DNHD1: variants seen among roughly 807,000 people sequenced by gnomAD.
DNHD1 encodes dynein heavy chain domain-containing protein 1.
DNHD1 carries 383 observed loss-of-function variants against 458.1 expected under a neutral mutation model. The ratio of observed to expected loss-of-function variants is 0.84; its 90% CI spans 0.77 to 0.91. DNHD1 has a LOEUF of 0.91. DNHD1 is among the 40% of genes least tolerant of loss of function. The probability of loss-of-function intolerance (pLI) is 0.00; values close to 1 mark genes in which losing one functional copy is unlikely to be tolerated. For synonymous variants in DNHD1, 2,203 were observed against 2,376.9 expected, an observed-to-expected ratio of 0.93 and a Z score of 2.13; for missense variants, 5,336 against 5,866.1, an observed-to-expected ratio of 0.91 and a Z score of 2.95.
chr11:6,563,595 T>C, intron 30 of DNHD1, 31 bp downstream of exon 30: 6 of 1,549,476 alleles, frequency 3.9e-6, no homozygotes, highest in African/African-American at 1.4e-5. Flanking sequence ...TGAAGGAGGA[T>C]AGGGGAGGCA....
intron 12 of DNHD1, among the ~76,000 whole-genome samples, chr11:6,530,593 C>T (rs1172067898): frequency 6.6e-6 from 1 of 152,220 alleles, no homozygotes; most frequent in Admixed American, 6.5e-5. Flanking sequence ...CCCAGGCCTG[C>T]TTTCTTTATG....
At chr11:6,544,334 G>A (rs1473513050) in intron 19 of DNHD1, 88 bp downstream of exon 19, 14 of 1,464,862 alleles carry the variant, frequency 9.6e-6, no homozygotes, top group African/African-American at 1.4e-5. Context: ...AGGTTGGGTG[G>A]GAGAAGATAT....
At chr11:6,502,679 C>A in intron 3 of DNHD1, 74 bp from the exon 4 acceptor site, 1 of 1,402,380 alleles carries the variant, frequency 7.1e-7, no homozygotes, top group Non-Finnish European at 9.5e-7. Flanking sequence ...CACTAGCCAA[C>A]AGTGGCAAGG....
rs1306777167 is a variant in DNHD1 at position 6,539,289 on chromosome 11, G to A, written c.3396G>A (p.Leu1132=). Reference sequence around the variant, plus strand: ...GCCAGCTGCTTACTTATCCACTGCTGGAGTTTGCAGATCGAATCAACCAGG... The same window carrying A: ...GCCAGCTGCTTACTTATCCACTGCTAGAGTTTGCAGATCGAATCAACCAGG... ...TLGQLLTYPL[L]EFADRINQVW... Residue 1132 remains leucine, a synonymous_variant, in exon 17 of 43, where the codon CTG becomes CTA. Transcript: ENST00000254579. 6.4e-6 allele frequency: 10 copies of A among 1,551,500 alleles called. No homozygotes were observed. The highest frequency in any genetic ancestry group is 8.7e-6 in the Non-Finnish European group (10 of 1,146,952).
chr11:6,539,211 A>G lies in DNHD1; in HGVS notation c.3326-8A>G, dbSNP rs1436929011. On this transcript the variant is annotated splice_region_variant and splice_polypyrimidine_tract_variant and intron_variant, in intron 16 of 42. Coordinates refer to ENST00000254579, the MANE Select transcript of DNHD1 (RefSeq NM_144666.3). Reference sequence around the variant, plus strand: ...GGTGTTGCTCTGACTTGTTTTCTCTACCTCCAGCCCTTGGGCTGGGCAGTC... The same window carrying G: ...GGTGTTGCTCTGACTTGTTTTCTCTGCCTCCAGCCCTTGGGCTGGGCAGTC... 2 of 1,541,580 alleles carry G rather than the reference A, an allele frequency of 1.3e-6. No homozygotes were observed. Among genetic ancestry groups the G allele is most frequent in the Admixed American group, 2.0e-5 (1 of 50,914 alleles).
rs184035764 is a variant in DNHD1, at chr11:6,530,576, G to A, written c.2347+1455G>A. Reference sequence around the variant, plus strand: ...GTGAAGACTAGATCCTGTTGGACCCGTGGCTTCCCAGGCCTGCTTTCTTTA... The same window carrying A: ...GTGAAGACTAGATCCTGTTGGACCCATGGCTTCCCAGGCCTGCTTTCTTTA... On this transcript the variant is annotated intron_variant, in intron 12 of 42. Coordinates refer to ENST00000254579, the MANE Select transcript of DNHD1 (RefSeq NM_144666.3). Among the ~76,000 whole-genome samples, 137 of 152,330 alleles carry A rather than the reference G, an allele frequency of 9.0e-4. No individual in the cohort carries two copies. In the Middle Eastern group the frequency reaches 0.01, roughly 11 times the overall value.
At position 6,571,955 on chromosome 11, in the gene DNHD1, G is replaced by C. The variant is rs753328952; in HGVS notation, c.14231G>C (p.Arg4744Thr). ...KLTPNTCVQR[R>T]VHVCSPPLS ...ACCCCCAACACCTGTGTCCAAAGGAGGGTCCATGTGTGCAGCCCACCCCTG... is the reference window on the plus strand; with the variant it reads ...ACCCCCAACACCTGTGTCCAAAGGACGGTCCATGTGTGCAGCCCACCCCTG... Residue 4744 changes from arginine to threonine, a missense_variant, in exon 43 of 43, where the codon AGG becomes ACG. This residue lies in a region of DNHD1 where 698 missense variants were observed against 664.9 expected (regional missense o/e 1.05). Coordinates refer to ENST00000254579, the MANE Select transcript of DNHD1 (RefSeq NM_144666.3). The surrounding 1 kb of genome is among the most constrained non-coding windows in gnomAD (Gnocchi z 5.0). 4 of 1,611,890 alleles carry C rather than the reference G, an allele frequency of 2.5e-6. No homozygotes were observed. Among genetic ancestry groups the C allele is most frequent in the Non-Finnish European group, 3.4e-6 (4 of 1,178,348 alleles).
intron 28 of DNHD1, among the ~76,000 whole-genome samples, chr11:6,560,379 T>A (rs1316809161): frequency 2.6e-5 from 4 of 152,196 alleles, no homozygotes; most frequent in Non-Finnish European, 5.9e-5. Flanking sequence ...ATAAATGGTA[T>A]CCCCTGGAGT....
intron 12 of DNHD1, among the ~76,000 whole-genome samples, chr11:6,531,956 G>C (rs1236757162): frequency 6.6e-6 from 1 of 152,136 alleles, no homozygotes; most frequent in African/African-American, 2.4e-5. Flanking sequence ...GAGCCATGCT[G>C]CCTGAGTCTG....
chr11:6,557,432 G>T lies in DNHD1; in HGVS notation c.8137G>T (p.Glu2713Ter). 1 of 1,551,452 alleles carries T rather than the reference G, an allele frequency of 6.4e-7. No individual in the cohort carries two copies. ...GGTGCCCGAAGTAGAATCTGAAGGG[G>T]AGTTGGCCCAGTGGGAGGACTTCAG... ...ERVPEVESEG[E>*]LAQWEDFSNS... Residue 2713 changes from glutamate to a stop codon, truncating the protein, a stop_gained, in exon 25 of 43, where the codon GAG becomes TAG. Transcript: ENST00000254579. LOFTEE classifies it high-confidence loss of function.
At chr11:6,509,127 G>A in intron 5 of DNHD1, 35 bp from the exon 6 acceptor site, 1 of 1,614,042 alleles carries the variant, frequency 6.2e-7, no homozygotes, top group Non-Finnish European at 8.5e-7. Context: ...ATGGATGACA[G>A]CAACAGTATA....
intron 28 of DNHD1, among the ~76,000 whole-genome samples, chr11:6,561,558 C>G (rs1164719716): frequency 6.6e-6 from 1 of 152,176 alleles, no homozygotes; most frequent in African/African-American, 2.4e-5. Flanking sequence ...CAGGCAATGA[C>G]AAAACCGTGT....
chr11:6,550,216 A>G (rs1853311963), intron 24 of DNHD1, among the ~76,000 whole-genome samples: 1 of 152,244 alleles, frequency 6.6e-6, no homozygotes, highest in African/African-American at 2.4e-5. Context: ...AGAGACAGAG[A>G]TTTTAGAACT....
At position 6,558,990 on chromosome 11, in the gene DNHD1, T is replaced by C. The variant is rs1853527887; in HGVS notation, c.9300T>C (p.His3100=). ...TCCACCTTTCGGCCACCCACTACCA[T>C]GAGCACCTGTGCCCTGCATTGCCAC... ...ALIHLSATHY[H]EHLCPALPLV... is the part of the protein sequence containing the mutation. The change falls in exon 27 of 43, where the codon CAT becomes CAC. Residue 3100 remains histidine, a synonymous_variant. Transcript: ENST00000254579. The C allele has an allele frequency of 1.3e-6, 2 of 1,551,608 alleles. No individual in the cohort carries two copies. The highest frequency in any genetic ancestry group is 1.7e-6 in the Non-Finnish European group (2 of 1,147,000).
In DNHD1 at chr11:6,502,337, A is replaced by G. The variant is rs183251877; in HGVS notation, c.747-416A>G. Among the ~76,000 whole-genome samples the G allele has an allele frequency of 5.7e-3, 861 of 152,332 alleles. 6 individuals carry two copies. The highest frequency in any genetic ancestry group is 6.2e-3 in the Non-Finnish European group (424 of 68,038). On this transcript the variant is annotated intron_variant, in intron 3 of 42. Coordinates refer to ENST00000254579, the MANE Select transcript of DNHD1 (RefSeq NM_144666.3). ...ATAATGGAATCAAAGATAGGATATT[A>G]AATCTGAAAGGCCAAGAAGGTTGAG... is the stretch of plus-strand genomic sequence containing the variant.
In DNHD1 at chr11:6,533,805, C is replaced by T. The variant is rs780428135; in HGVS notation, c.2630C>T (p.Ser877Leu). The change falls in exon 14 of 43, where the codon TCG becomes TTG. Residue 877 changes from serine to leucine, a missense_variant. By Grantham distance (145) the Ser-to-Leu change is moderately radical (BLOSUM62 -2). Transcript: ENST00000254579. The stretch of plus-strand genomic sequence containing the variant: ...GCTGAGAATGAAGCACTGGACATCT[C>T]GGTGAGAAGGCAATTCGGGGAGTCA... ...FSAENEALDI[S>L]VRRQFGESPI... 4.3e-5 allele frequency: 66 copies of T among 1,551,382 alleles called. 1 individual carries two copies. The highest frequency in any genetic ancestry group is 2.5e-4 in the South Asian group (21 of 84,034).
chr11:6,568,613 A>T, intron 38 of DNHD1, 37 bp downstream of exon 38: 2 of 1,613,760 alleles, frequency 1.2e-6, no homozygotes, highest in Non-Finnish European at 1.7e-6. Context: ...CTCAAATTGG[A>T]AGTGGGAGGG....
At position 6,567,791 on chromosome 11, in the gene DNHD1, G is replaced by A. The variant is rs201927512; in HGVS notation, c.12282G>A (p.Pro4094=). The part of the protein sequence containing the change: ...ATQPMLILLP[P]PGHPSATLHP... ...AGCCCATGCTGATCTTGTTGCCACC[G>A]CCTGGCCACCCCTCAGCCACTCTGC... The change falls in exon 36 of 43, where the codon CCG becomes CCA. Residue 4094 remains proline (P), a synonymous_variant. Coordinates refer to ENST00000254579, the MANE Select transcript of DNHD1 (RefSeq NM_144666.3). 7.8e-4 allele frequency: 1,252 copies of A among 1,613,746 alleles called. No individual in the cohort carries two copies. Among genetic ancestry groups the A allele is most frequent in the Non-Finnish European group, 1.0e-3 (1,177 of 1,179,882 alleles).
chr11:6,559,804 G>C (rs188147240), intron 28 of DNHD1, among the ~76,000 whole-genome samples: 1 of 152,314 alleles, frequency 6.6e-6, no homozygotes, highest in East Asian at 1.9e-4. Flanking sequence ...TACTAGACAA[G>C]AGTGTCCTGA....
Sources: allele counts gnomAD v4.1 joint callset (sites outside exome capture counted in the v4.1 genomes callset), GRCh38; gene constraint gnomAD v4.1.1; regional missense constraint gnomAD v4.1.1; non-coding constraint Gnocchi (gnomAD v3.1); transcripts MANE v1.5; gene names NCBI Gene and HGNC (gene_info 2026-07-23, HGNC 2026-07-21).